Variants in CDH4 observed in about 807,000 individuals in gnomAD.
CDH4 encodes cadherin 4.
In CDH4, 33 loss-of-function variants were observed where a neutral mutation model predicts 86.0. The ratio of observed to expected loss-of-function variants is 0.38; its 90% CI spans 0.29 to 0.51. The LOEUF is 0.51. Ranked by LOEUF, CDH4 falls within the 20% of genes least tolerant of loss-of-function variation. The probability of loss-of-function intolerance (pLI) is 0.86; values close to 1 mark genes in which losing one functional copy is unlikely to be tolerated. For synonymous variants in CDH4, 555 were observed against 549.4 expected (o/e 1.01, Z -0.14); for missense variants, 1,114 against 1,307.4 (o/e 0.85, Z 2.28).
chr20:61,374,031 C>T (rs1032470862), intron 2 of CDH4, among the ~76,000 whole-genome samples: 1 of 152,066 alleles, frequency 6.6e-6, no homozygotes, highest in Admixed American at 6.5e-5. Context: ...GAGGGTTTAG[C>T]GATACAGAGC....
rs1185905739 is a variant in CDH4 at position 61,501,808 on chromosome 20, TCTCTC to T, written c.170-241752_170-241748del. The stretch of plus-strand genomic sequence containing the variant: ...GACGCGACTAATGAAACTTTTCTGT[TCTCTC>T]CTTTCTAGGTAAGTGATTCCGGTGC... On this transcript the variant is annotated intron_variant, in intron 2 of 15. Coordinates refer to ENST00000614565, the MANE Select transcript of CDH4 (RefSeq NM_001794.5). This position sits in a 1 kb window ranked among gnomAD's most constrained non-coding sequence, Gnocchi z 4.2. Among the ~76,000 whole-genome samples the T allele has an allele frequency of 1.3e-5, 2 of 152,236 alleles. No individual in the cohort carries two copies. The highest frequency in any genetic ancestry group is 2.4e-5 in the African/African-American group (1 of 41,550).
At chr20:61,671,672 ATGG>A (rs1261410920) in intron 2 of CDH4, among the ~76,000 whole-genome samples, 1 of 149,064 alleles carries the variant, frequency 6.7e-6, no homozygotes, top group African/African-American at 2.5e-5. Flanking sequence ...TAATGGATGG[ATGG>A]TGGATGGATG....
Position 61,544,819 on chromosome 20 carries a change from CT to C in CDH4, c.170-198742del, listed in dbSNP as rs1333631487. On this transcript the variant is annotated intron_variant, in intron 2 of 15. Transcript: ENST00000614565. The surrounding 1 kb of genome is among the most constrained non-coding windows in gnomAD (Gnocchi z 6.5). ...CCCTCCCTGCCCCCGAGGAAGGAAC[CT>C]TGTTCCTCGGTTATAAAACTTGAGC... 6.6e-6 allele frequency among the ~76,000 whole-genome samples: 1 copy of C among 152,154 alleles called. No individual in the cohort carries two copies. The highest frequency in any genetic ancestry group is 1.5e-5 in the Non-Finnish European group (1 of 68,036).
chr20:61,657,331 T>G (rs1025336836), intron 2 of CDH4, among the ~76,000 whole-genome samples: 1 of 152,252 alleles, frequency 6.6e-6, no homozygotes, highest in East Asian at 1.9e-4. Context: ...CCCAAACGGG[T>G]TGCTTCCACA....
chr20:61,702,562 G>A (rs1362116911), intron 2 of CDH4, among the ~76,000 whole-genome samples: 1 of 152,366 alleles, frequency 6.6e-6, no homozygotes. Flanking sequence ...TGAAGCGTAT[G>A]AAAGCTGAGT....
intron 2 of CDH4, among the ~76,000 whole-genome samples, chr20:61,730,428 G>A (rs116883952): frequency 0.035 from 5,340 of 152,270 alleles, 140 homozygotes; most frequent in South Asian, 0.071. Flanking sequence ...TCAGATGGGC[G>A]TCTTTCAGTT....
At chr20:61,514,305 C>T (rs1026587342) in intron 2 of CDH4, among the ~76,000 whole-genome samples, 31 of 120,070 alleles carry the variant, frequency 2.6e-4, no homozygotes, top group Non-Finnish European at 3.3e-4. Context: ...GGCCTCAGTC[C>T]GCCCCCCCCG....
rs866089460 is a variant in CDH4 at position 61,282,554 on chromosome 20, T to C, written c.169+27617T>C. On this transcript the variant is annotated intron_variant, in intron 2 of 15. Transcript: ENST00000614565. Reference sequence around the variant, plus strand: ...TTGGCATGGTGTGTGTGCATGTGTGTGTGTGTGTGTGTGTGTGTATGTCTA... The same window carrying C: ...TTGGCATGGTGTGTGTGCATGTGTGCGTGTGTGTGTGTGTGTGTATGTCTA... Among the ~76,000 whole-genome samples, 18 of 140,058 alleles carry C rather than the reference T, an allele frequency of 1.3e-4. No individual in the cohort carries two copies. The East Asian group carries it at 1.3e-3, about 10-fold the overall frequency. The allele number at this position is 140,058 out of a possible 152,430, so 91.9% of individuals were successfully genotyped here.
Position 61,616,769 on chromosome 20 carries a change from A to G in CDH4, c.170-126794A>G, listed in dbSNP as rs376296594. 3.3e-5 allele frequency among the ~76,000 whole-genome samples: 5 copies of G among 152,070 alleles called. No homozygotes were observed. In the South Asian group the frequency reaches 6.2e-4, roughly 19 times the overall value. ...GGTGGGTCCTTGCGTTTCTCTCCAA[A>G]TGTTCTTGATTTCAGGGCTGACCTT... On this transcript the variant is annotated intron_variant, in intron 2 of 15. Transcript: ENST00000614565.
intron 2 of CDH4, among the ~76,000 whole-genome samples, chr20:61,427,894 C>T (rs113524899): frequency 0.029 from 4,369 of 151,136 alleles, 97 homozygotes; most frequent in Non-Finnish European, 0.044. Flanking sequence ...AGGACAGAGG[C>T]GGGGAGAGAA....
At chr20:61,321,957 T>C (rs1373458826) in intron 2 of CDH4, among the ~76,000 whole-genome samples, 2 of 151,628 alleles carry the variant, frequency 1.3e-5, no homozygotes, top group East Asian at 3.9e-4. Flanking sequence ...TATAATAATA[T>C]AACAAGGAGC....
chr20:61,628,428 CTCAT>C (rs144320103), intron 2 of CDH4, among the ~76,000 whole-genome samples: 3 of 152,088 alleles, frequency 2.0e-5, no homozygotes, highest in Non-Finnish European at 4.4e-5. Flanking sequence ...GGTTTGCCAG[CTCAT>C]TCATTCATTC....
chr20:61,837,532 T>C (rs1019765870), intron 4 of CDH4, among the ~76,000 whole-genome samples: 1 of 152,168 alleles, frequency 6.6e-6, no homozygotes, highest in Non-Finnish European at 1.5e-5. Flanking sequence ...GGGCTGACGC[T>C]CTGAGATTTT....
intron 4 of CDH4, among the ~76,000 whole-genome samples, chr20:61,821,959 C>T (rs1981065924): frequency 6.6e-6 from 1 of 152,254 alleles, no homozygotes; most frequent in Non-Finnish European, 1.5e-5. Flanking sequence ...CAGGATTCCC[C>T]AGGCTCTTCA....
intron 9 of CDH4, among the ~76,000 whole-genome samples, chr20:61,917,620 G>A (rs1317925024): frequency 6.6e-6 from 1 of 152,222 alleles, no homozygotes; most frequent in Non-Finnish European, 1.5e-5. Context: ...GAGCAGGGCA[G>A]ACGTCCTGGT....
intron 2 of CDH4, among the ~76,000 whole-genome samples, chr20:61,458,899 C>G (rs1193015640): frequency 6.6e-6 from 1 of 151,868 alleles, no homozygotes; most frequent in African/African-American, 2.4e-5. Context: ...CCTCATGGCT[C>G]TCAGCTCCTC....
intron 2 of CDH4, among the ~76,000 whole-genome samples, chr20:61,742,898 ACT>A (rs1568790355): frequency 6.6e-6 from 1 of 151,956 alleles, no homozygotes; most frequent in African/African-American, 2.4e-5. Flanking sequence ...TCTGACTTCA[ACT>A]CTGTTTCCAG....
chr20:61,827,744 G>A (rs1981390249), intron 4 of CDH4, among the ~76,000 whole-genome samples: 1 of 152,158 alleles, frequency 6.6e-6, no homozygotes, highest in African/African-American at 2.4e-5. Context: ...TGTACAAGAT[G>A]AGACCAAAAC....
intron 2 of CDH4, among the ~76,000 whole-genome samples, chr20:61,287,167 G>A (rs1319243319): frequency 6.6e-6 from 1 of 152,222 alleles, no homozygotes; most frequent in African/African-American, 2.4e-5. Context: ...GTCATGTGGT[G>A]AAGTGAGGGG....
Sources: gnomAD v4.1 joint callset for allele counts (sites outside exome capture counted in the v4.1 genomes callset) on GRCh38, gnomAD v4.1.1 for gene constraint, Gnocchi (gnomAD v3.1) non-coding constraint, MANE v1.5 for transcripts, NCBI Gene and HGNC (gene_info 2026-07-23, HGNC 2026-07-21) for gene names.